GPR171: variants seen among roughly 807,000 people sequenced by gnomAD.
GPR171 encodes F730001G15Rik.
Under a neutral mutation model 16.7 loss-of-function variants are expected in GPR171, and 14 were observed. The ratio of observed to expected loss-of-function variants is 0.84; its 90% CI spans 0.55 to 1.31. The LOEUF is 1.31. GPR171 is among the 40% of genes most tolerant of loss of function. GPR171 has a pLI of 0.00. For synonymous variants in GPR171, 134 were observed against 135.6 expected (o/e 0.99, Z 0.08); for missense variants, 337 against 378.9 (o/e 0.89, Z 0.92).
Position 151,199,219 on chromosome 3 carries a change from C to G in GPR171, c.168G>C (p.Leu56Phe), listed in dbSNP as rs141844823. 2.0e-5 allele frequency: 32 copies of G among 1,614,012 alleles called. No individual in the cohort carries two copies. The highest frequency in any genetic ancestry group is 1.8e-5 in the Non-Finnish European group (21 of 1,179,942). Residue 56 changes from leucine (L) to phenylalanine (F), a missense_variant, in exon 3 of 3, where the codon TTG becomes TTC. Physicochemically the swap from Leu to Phe is conservative, Grantham distance 22 (BLOSUM62 0). Transcript: ENST00000309180. ...GAGTAAGCAGGAAATCGGCTGTAAG[C>G]AAATTAATTAAGTAGATGCTCACAC... Reference protein sequence around the residue: ...HRCVSIYLINLLTADFLLTLA... With the variant: ...HRCVSIYLINFLTADFLLTLA...
chr3:151,197,823 A>G (rs968516289), downstream of GPR171: 1 of 152,686 alleles, frequency 6.5e-6, no homozygotes, highest in African/African-American at 2.4e-5. Flanking sequence ...TAATACATTA[A>G]AGATTGTCTA....
intron 1 of GPR171, among the ~76,000 whole-genome samples, chr3:151,202,689 A>G (rs903427573): frequency 6.6e-6 from 1 of 152,204 alleles, no homozygotes; most frequent in African/African-American, 2.4e-5. Context: ...AAACAAAAAC[A>G]AAATAAAAGC....
chr3:151,202,282 C>T (rs1477706733), intron 1 of GPR171, among the ~76,000 whole-genome samples: 2 of 152,156 alleles, frequency 1.3e-5, no homozygotes, highest in East Asian at 1.9e-4. Flanking sequence ...AGTTACTTAC[C>T]AGTGAAAATG....
intron 1 of GPR171, among the ~76,000 whole-genome samples, chr3:151,202,871 G>C (rs577453948): frequency 6.6e-6 from 1 of 152,130 alleles, no homozygotes; most frequent in Non-Finnish European, 1.5e-5. Flanking sequence ...GCTCGCTCAG[G>C]TATTCAGTCT....
In GPR171 at chr3:151,198,623, G is replaced by A. The variant is rs1215274344; in HGVS notation, c.764C>T (p.Thr255Ile). 6.2e-7 allele frequency: 1 copy of A among 1,613,938 alleles called. No individual in the cohort carries two copies. Among genetic ancestry groups the A allele is most frequent in the East Asian group, 2.2e-5 (1 of 44,880 alleles). Residue 255 changes from threonine (T) to isoleucine (I), a missense_variant, in exon 3 of 3, where the codon ACT (threonine) becomes ATT (isoleucine). By Grantham distance (89) the Thr-to-Ile change is moderately conservative. Transcript: ENST00000309180. ...PYTLSQTEVITDCSTRISLFK... is the reference protein window; with the variant it reads ...PYTLSQTEVIIDCSTRISLFK... ...GAGTGAAATCCTGGTTGAGCAATCA[G>A]TTATGACTTCTGTCTGGCTGAGGGT... is the stretch of plus-strand genomic sequence containing the variant.
Position 151,197,997 on chromosome 3 carries a change from A to T in GPR171, c.*430T>A, listed in dbSNP as rs1724911117. 6.5e-6 allele frequency: 1 copy of T among 153,182 alleles called. No individual in the cohort carries two copies. The highest frequency in any genetic ancestry group is 1.5e-5 in the Non-Finnish European group (1 of 68,432). 9.5% of individuals were successfully genotyped at this position (153,182 alleles called of 1,614,324 possible). On this transcript the variant is annotated 3_prime_UTR_variant, in exon 3 of 3. Transcript: ENST00000309180. Reference sequence around the variant, plus strand: ...TTGTTATATGTAAGCTGCATTTTTTAAAAGTAATCTGAAAGGCTTTAAAAT... The same window carrying T: ...TTGTTATATGTAAGCTGCATTTTTTTAAAGTAATCTGAAAGGCTTTAAAAT...
Position 151,199,348 on chromosome 3 carries a change from A to T in GPR171, c.39T>A (p.Asp13Glu). ...AAAAAAAATACGTGAATGGCTCCAG[A>T]TCTTTATAAACTGGGCAGAAGAACG... Reference protein sequence around the residue: ...NSSFFCPVYKDLEPFTYFFYL... With the variant: ...NSSFFCPVYKELEPFTYFFYL... The change falls in exon 3 of 3, where the codon GAT becomes GAA. Residue 13 changes from aspartate (D) to glutamate (E), a missense_variant. Coordinates refer to ENST00000309180, the MANE Select transcript of GPR171 (RefSeq NM_013308.4). 6.2e-7 allele frequency: 1 copy of T among 1,613,246 alleles called. No individual in the cohort carries two copies. Among genetic ancestry groups the T allele is most frequent in the Non-Finnish European group, 8.5e-7 (1 of 1,179,588 alleles).
rs771163260 is a variant in GPR171 at position 151,198,800 on chromosome 3, A to C, written c.587T>G (p.Leu196Ter). Residue 196 changes from leucine to a stop codon, truncating the protein, a stop_gained, in exon 3 of 3, where the codon TTA (leucine) becomes TGA (stop). Coordinates refer to ENST00000309180, the MANE Select transcript of GPR171 (RefSeq NM_013308.4). LOFTEE classifies it high-confidence loss of function. ...TCGAATTACAAGGCAATTGGATATT[A>C]AAATGATGGCTGAGAAATTTAAAAA... ...AIFLNFSAII[L>*]ISNCLVIRQL... 1 of 1,613,736 alleles carries C rather than the reference A, an allele frequency of 6.2e-7. No individual in the cohort carries two copies.
intron 2 of GPR171, among the ~76,000 whole-genome samples, chr3:151,199,817 A>G (rs534710355): frequency 7.9e-5 from 12 of 152,244 alleles, no homozygotes; most frequent in East Asian, 1.9e-4. Flanking sequence ...AGAGCTTTCA[A>G]TGAGGCCTTC....
At chr3:151,197,797 A>G (rs1724880747), downstream of GPR171, 1 of 152,706 alleles carries the variant, frequency 6.5e-6, no homozygotes, top group Non-Finnish European at 1.5e-5. Context: ...ACCTACAGGT[A>G]GAATATAATT....
Position 151,198,811 on chromosome 3 carries a change from T to C in GPR171, c.576A>G (p.Ser192=). ...FICVAIFLNF[S]AIILISNCLV... is the part of the protein sequence containing the mutation. ...GGCAATTGGATATTAAAATGATGGC[T>C]GAGAAATTTAAAAATATTGCTACAC... is the stretch of plus-strand genomic sequence containing the variant. Residue 192 remains serine, a synonymous_variant, in exon 3 of 3, where the codon TCA becomes TCG. Coordinates refer to ENST00000309180, the MANE Select transcript of GPR171 (RefSeq NM_013308.4). The C allele has an allele frequency of 6.2e-7, 1 of 1,613,664 alleles. No individual in the cohort carries two copies. The highest frequency in any genetic ancestry group is 2.2e-5 in the East Asian group (1 of 44,886).
intron 1 of GPR171, among the ~76,000 whole-genome samples, chr3:151,202,306 A>G (rs1213011961): frequency 6.6e-6 from 1 of 152,266 alleles, no homozygotes; most frequent in African/African-American, 2.4e-5. Flanking sequence ...GATACTCAGA[A>G]GTAGTGCAGC....
chr3:151,198,336 T>C lies in GPR171; in HGVS notation c.*91A>G. The C allele has an allele frequency of 1.0e-6, 1 of 996,936 alleles. No homozygotes were observed. The highest frequency in any genetic ancestry group is 1.4e-6 in the Non-Finnish European group (1 of 727,294). The allele number at this position is 996,936 out of a possible 1,614,324, so 61.8% of individuals were successfully genotyped here. A position where few individuals can be genotyped will look rare whatever the true frequency, so the allele number is the denominator to read the frequency against. On this transcript the variant is annotated 3_prime_UTR_variant, in exon 3 of 3. Transcript: ENST00000309180. The stretch of plus-strand genomic sequence containing the variant: ...AACTGTATTTTTTCATACTGAGTTT[T>C]TTTTTGTTTTTTTTTTTTTTATCTT...
At chr3:151,201,168 T>C (rs1384889426) in intron 1 of GPR171, among the ~76,000 whole-genome samples, 171 bp from the exon 2 acceptor site, 9 of 152,218 alleles carry the variant, frequency 5.9e-5, no homozygotes, top group East Asian at 1.9e-4. Context: ...ACTAAGAATA[T>C]AAGTTTAGGC....
chr3:151,202,930 T>G (rs1477746328), intron 1 of GPR171, among the ~76,000 whole-genome samples, 174 bp downstream of exon 1: 1 of 152,222 alleles, frequency 6.6e-6, no homozygotes, highest in Non-Finnish European at 1.5e-5. Flanking sequence ...GTTCATCAGA[T>G]ATAAGAAAAT....
Position 151,199,414 on chromosome 3 carries a change from A to T in GPR171, c.-28T>A. The stretch of plus-strand genomic sequence containing the variant: ...TGAGGGAAAGTAAGGATGACTGCTT[A>T]TTGAAAAGAAAAAATTTCTAAGACT... On this transcript the variant is annotated 5_prime_UTR_variant, in exon 3 of 3. Coordinates refer to ENST00000309180, the MANE Select transcript of GPR171 (RefSeq NM_013308.4). 1 of 1,551,834 alleles carries T rather than the reference A, an allele frequency of 6.4e-7. No individual in the cohort carries two copies. The highest frequency in any genetic ancestry group is 8.7e-7 in the Non-Finnish European group (1 of 1,155,642).
chr3:151,199,983 AAAAC>A (rs968230959), intron 2 of GPR171, among the ~76,000 whole-genome samples: 5 of 152,212 alleles, frequency 3.3e-5, no homozygotes, highest in African/African-American at 4.8e-5. Context: ...AAAAACCAAA[AAAAC>A]AAACAAAAAA....
At chr3:151,202,452 C>T (rs920796665) in intron 1 of GPR171, among the ~76,000 whole-genome samples, 2 of 152,150 alleles carry the variant, frequency 1.3e-5, no homozygotes, top group Admixed American at 6.5e-5. Flanking sequence ...GGGTGGATCA[C>T]TTGAGGTCAA....
In GPR171 at chr3:151,198,740, G is replaced by A. The variant is rs1725056199; in HGVS notation, c.647C>T (p.Pro216Leu). ...GTTGATGAGAGCCTTTTTCACATTT[G>A]GGTAATTTTCATTATCTTTGTTTCT... is the stretch of plus-strand genomic sequence containing the variant. ...LYRNKDNENY[P>L]NVKKALINIL... The change falls in exon 3 of 3, where the codon CCA (proline) becomes CTA (leucine). Residue 216 changes from proline (P) to leucine (L), a missense_variant. By Grantham distance (98) the Pro-to-Leu change is moderately conservative (BLOSUM62 -3). Coordinates refer to ENST00000309180, the MANE Select transcript of GPR171 (RefSeq NM_013308.4). 2 of 1,612,908 alleles carry A rather than the reference G, an allele frequency of 1.2e-6. No homozygotes were observed. Among genetic ancestry groups the A allele is most frequent in the African/African-American group, 1.3e-5 (1 of 74,990 alleles).
Sources: gnomAD v4.1 joint callset for allele counts (sites outside exome capture counted in the v4.1 genomes callset) on GRCh38, gnomAD v4.1.1 for gene constraint, MANE v1.5 for transcripts, NCBI Gene and HGNC (gene_info 2026-07-23, HGNC 2026-07-21) for gene names.